Variants in TNS3 observed in about 807,000 individuals in gnomAD.
The protein encoded by TNS3 is tensin-3.
In TNS3, 45 loss-of-function variants were observed where a neutral mutation model predicts 140.9. That is an observed-to-expected ratio of 0.32 (90% CI 0.25 to 0.41). The LOEUF (loss-of-function observed/expected upper bound fraction) is 0.41. Among genes scored for constraint, TNS3 ranks in the 10% least tolerant of loss-of-function variants. The pLI, the probability that TNS3 is intolerant of heterozygous loss-of-function variation, is 1.00. For missense variants in TNS3, 1,716 were observed against 1,906.7 expected, an observed-to-expected ratio of 0.90 and a Z score of 1.86; for synonymous variants, 815 against 788.4, an observed-to-expected ratio of 1.03 and a Z score of -0.56.
Position 47,530,838 on chromosome 7 carries a change from A to AAAAAAAAAAAAAAAAATATATAT in TNS3, c.-264-1692_-264-1691insATATATATTTTTTTTTTTTTTTT. 9.2e-5 allele frequency among the ~76,000 whole-genome samples: 5 copies of AAAAAAAAAAAAAAAAATATATAT among 54,556 alleles called. 1 individual carries two copies. In the East Asian group the frequency reaches 2.0e-3, roughly 22 times the overall value. The allele number at this position is 54,556 out of a possible 152,430, so 35.8% of individuals were successfully genotyped here. A position where few individuals can be genotyped will look rare whatever the true frequency, so the allele number is the denominator to read the frequency against. ...AACTCCATCTCAAAAAAAAAAAAAAAATATATATATATATATATATTTCTA... is the reference window on the plus strand; with the variant it reads ...AACTCCATCTCAAAAAAAAAAAAAAAAAAAAAAAAAAAAAAATATATATATATATATATATATATATATTTCTA... On this transcript the variant is annotated intron_variant, in intron 1 of 30. Transcript: ENST00000311160.
chr7:47,456,530 C>T (rs1405856688), intron 4 of TNS3, among the ~76,000 whole-genome samples: 4 of 152,160 alleles, frequency 2.6e-5, no homozygotes, highest in Admixed American at 6.5e-5. Context: ...ATGCTCAACA[C>T]GTGCCAGCTT....
At chr7:47,576,030 T>A (rs1025778337) in intron 1 of TNS3, among the ~76,000 whole-genome samples, 1 of 151,984 alleles carries the variant, frequency 6.6e-6, no homozygotes, top group African/African-American at 2.4e-5. Flanking sequence ...TCCAGCCCTG[T>A]CCACCCGGCT....
chr7:47,321,293 C>G (rs1185135391), intron 20 of TNS3, among the ~76,000 whole-genome samples: 4 of 152,240 alleles, frequency 2.6e-5, no homozygotes, highest in Non-Finnish European at 2.9e-5. Context: ...TCTCAACCCA[C>G]TGGTTTTCGG....
intron 1 of TNS3, among the ~76,000 whole-genome samples, chr7:47,531,478 T>C (rs1028897578): frequency 6.6e-6 from 1 of 152,176 alleles, no homozygotes; most frequent in Non-Finnish European, 1.5e-5. Flanking sequence ...ACATGGCAGA[T>C]GGAATTATGG....
At chr7:47,366,582 A>G (rs909358222) in intron 17 of TNS3, among the ~76,000 whole-genome samples, 2 of 152,226 alleles carry the variant, frequency 1.3e-5, no homozygotes, top group African/African-American at 4.8e-5. Flanking sequence ...AGCCAGGACC[A>G]ACATCTGCAG....
chr7:47,335,318 T>C (rs1217487178), intron 20 of TNS3, among the ~76,000 whole-genome samples: 2 of 152,212 alleles, frequency 1.3e-5, no homozygotes, highest in East Asian at 1.9e-4. Context: ...GCTGGAGGCA[T>C]TACATCAGTG....
chr7:47,376,420 A>T (rs1791388505), intron 16 of TNS3, among the ~76,000 whole-genome samples: 2 of 152,048 alleles, frequency 1.3e-5, no homozygotes, highest in Non-Finnish European at 2.9e-5. Context: ...CTCTCTTACA[A>T]CTCAGCTGAC....
In TNS3 at chr7:47,560,609, C is replaced by G. The variant is rs558166682; in HGVS notation, c.-265+21442G>C. Among the ~76,000 whole-genome samples, 5 of 152,272 alleles carry G rather than the reference C, an allele frequency of 3.3e-5. No homozygotes were observed. In the South Asian group the frequency reaches 1.0e-3, roughly 32 times the overall value. Reference sequence around the variant, plus strand: ...TCCTTGGCCGACTCTGCCTGTGGTCCCGCTGGCTGCTCCTGCAACCCTCGA... The same window carrying G: ...TCCTTGGCCGACTCTGCCTGTGGTCGCGCTGGCTGCTCCTGCAACCCTCGA... On this transcript the variant is annotated intron_variant, in intron 1 of 30. Coordinates refer to ENST00000311160, the MANE Select transcript of TNS3 (RefSeq NM_022748.12).
chr7:47,523,767 C>T (rs886895266), intron 2 of TNS3, among the ~76,000 whole-genome samples: 2 of 152,242 alleles, frequency 1.3e-5, no homozygotes, highest in African/African-American at 4.8e-5. Flanking sequence ...CCAAGCCTAC[C>T]ACATCCTCAG....
chr7:47,456,011 G>A (rs1437046839), intron 4 of TNS3, among the ~76,000 whole-genome samples: 1 of 152,248 alleles, frequency 6.6e-6, no homozygotes, highest in Non-Finnish European at 1.5e-5. Context: ...GAGCCCAAAT[G>A]CCAGATGATG....
chr7:47,404,101 C>T (rs1411800079), intron 13 of TNS3, among the ~76,000 whole-genome samples: 1 of 152,196 alleles, frequency 6.6e-6, no homozygotes, highest in Admixed American at 6.5e-5. Context: ...AAAATAACAA[C>T]TCAAAGATGT....
chr7:47,404,723 A>T (rs936008936), intron 13 of TNS3, among the ~76,000 whole-genome samples: 1 of 151,906 alleles, frequency 6.6e-6, no homozygotes, highest in African/African-American at 2.4e-5. Flanking sequence ...CGTCTTTACT[A>T]AAAAAATACA....
intron 17 of TNS3, among the ~76,000 whole-genome samples, chr7:47,353,625 G>A (rs997129584): frequency 2.6e-5 from 4 of 152,152 alleles, no homozygotes; most frequent in Non-Finnish European, 5.9e-5. Flanking sequence ...CACTCCCCGA[G>A]GGAATCATTT....
At chr7:47,470,919 G>A (rs1796924176) in intron 4 of TNS3, among the ~76,000 whole-genome samples, 1 of 152,046 alleles carries the variant, frequency 6.6e-6, no homozygotes, top group African/African-American at 2.4e-5. Flanking sequence ...GCTTGTGTGA[G>A]GCTCACATTG....
Position 47,391,972 on chromosome 7 carries a change from C to T in TNS3, c.1024+4828G>A, listed in dbSNP as rs150016204. On this transcript the variant is annotated intron_variant, in intron 16 of 30. Transcript: ENST00000311160. ...CACAGCTGCCATCGCCGACAGTGTA[C>T]GCCAGAAGGCTACCAGGGTCCCTGG... Among the ~76,000 whole-genome samples the T allele has an allele frequency of 5.5e-3, 836 of 152,328 alleles. 9 individuals carry two copies. Among genetic ancestry groups the T allele is most frequent in the South Asian group, 0.024 (116 of 4,820 alleles).
chr7:47,519,812 A>ATTTCTTTT (rs1798904583), intron 2 of TNS3, among the ~76,000 whole-genome samples: 11 of 61,390 alleles, frequency 1.8e-4, no homozygotes, highest in African/African-American at 6.0e-4. Flanking sequence ...AGCTCCTCAC[A>ATTTCTTTT]TTTCTTTTTT....
chr7:47,448,167 C>T (rs576408558), intron 4 of TNS3, among the ~76,000 whole-genome samples: 31 of 152,364 alleles, frequency 2.0e-4, no homozygotes, highest in Admixed American at 5.2e-4. Context: ...GGCCACCACC[C>T]GGGCAGGAGT....
chr7:47,335,574 C>T (rs1420103547), intron 20 of TNS3, among the ~76,000 whole-genome samples: 1 of 152,182 alleles, frequency 6.6e-6, no homozygotes, highest in Non-Finnish European at 1.5e-5. Context: ...GCTCAGCCAC[C>T]CAGGGCCAGA....
At position 47,454,783 on chromosome 7, in the gene TNS3, C is replaced by G. The variant is rs1335141795; in HGVS notation, c.-75-12728G>C. Among the ~76,000 whole-genome samples, 4 of 152,204 alleles carry G rather than the reference C, an allele frequency of 2.6e-5. No homozygotes were observed. The East Asian group carries it at 7.7e-4, about 29-fold the overall frequency. On this transcript the variant is annotated intron_variant, in intron 4 of 30. Coordinates refer to ENST00000311160, the MANE Select transcript of TNS3 (RefSeq NM_022748.12). ...CAGCCAGGCAGAGCCAGGCAGGGGGCTCCCATCCATAGGCGAGCAAGTTAG... is the reference window on the plus strand; with the variant it reads ...CAGCCAGGCAGAGCCAGGCAGGGGGGTCCCATCCATAGGCGAGCAAGTTAG...
Sources: gnomAD v4.1 joint callset for allele counts (sites outside exome capture counted in the v4.1 genomes callset) on GRCh38, gnomAD v4.1.1 for gene constraint, MANE v1.5 for transcripts, NCBI Gene and HGNC (gene_info 2026-07-23, HGNC 2026-07-21) for gene names.